The following KIAA1217 variants were observed in gnomAD, a reference collection of about 807,000 sequenced individuals.
KIAA1217 encodes the protein KIAA1217, also known as sickle tail protein homolog.
In KIAA1217, 88 loss-of-function variants were observed where a neutral mutation model predicts 163.9. That is an observed-to-expected ratio of 0.54 (90% CI 0.45 to 0.64). KIAA1217 has a LOEUF of 0.64. Ranked by LOEUF, KIAA1217 falls within the 30% of genes least tolerant of loss-of-function variation. The pLI, the probability that KIAA1217 is intolerant of heterozygous loss-of-function variation, is 0.00. For synonymous variants in KIAA1217, 903 were observed against 923.1 expected (o/e 0.98, Z 0.39); for missense variants, 2,372 against 2,475.0 (o/e 0.96, Z 0.88).
At chr10:23,754,952 A>T (rs984741975) in intron 1 of KIAA1217, among the ~76,000 whole-genome samples, 10 of 117,874 alleles carry the variant, frequency 8.5e-5, no homozygotes, top group East Asian at 4.2e-4. Flanking sequence ...AAAAGGAATT[A>T]AAAAAAAAAC....
At chr10:23,777,928 C>T (rs976567933) in intron 1 of KIAA1217, among the ~76,000 whole-genome samples, 4 of 151,760 alleles carry the variant, frequency 2.6e-5, no homozygotes, top group Non-Finnish European at 4.4e-5. Context: ...GTCTTAACTA[C>T]GGAAATTTTT....
At chr10:24,022,918 C>T (rs1455944952) in intron 2 of KIAA1217, among the ~76,000 whole-genome samples, 1 of 138,844 alleles carries the variant, frequency 7.2e-6, no homozygotes, top group Non-Finnish European at 1.6e-5. Context: ...AGGATATATA[C>T]TTGATCTGAA....
intron 5 of KIAA1217, among the ~76,000 whole-genome samples, chr10:24,464,036 G>A (rs1338235904): frequency 1.3e-5 from 2 of 152,184 alleles, no homozygotes; most frequent in African/African-American, 4.8e-5. Context: ...GCCTGAAAGA[G>A]CCCTTCTCTG....
At chr10:23,760,525 G>T (rs149946308) in intron 1 of KIAA1217, among the ~76,000 whole-genome samples, 2 of 152,316 alleles carry the variant, frequency 1.3e-5, no homozygotes, top group African/African-American at 2.4e-5. Flanking sequence ...TCTAGCAGTC[G>T]CAGTAGCACA....
intron 10 of KIAA1217, among the ~76,000 whole-genome samples, chr10:24,516,786 A>G (rs2070247870): frequency 6.6e-6 from 1 of 152,210 alleles, no homozygotes; most frequent in Admixed American, 6.5e-5. Context: ...AGTAAGAAAG[A>G]AGTCAAATGC....
Position 23,959,276 on chromosome 10 carries a change from T to G in KIAA1217, c.-320-47949T>G, listed in dbSNP as rs139413963. ...TGGGCACAGTGGCTCATGCCTGTAA[T>G]TCCAGCACTTTAGGAGACTGAGGCA... is the stretch of plus-strand genomic sequence containing the variant. On this transcript the variant is annotated intron_variant, in intron 1 of 18. Transcript: ENST00000376462. Among the ~76,000 whole-genome samples, 429 of 152,238 alleles carry G rather than the reference T, an allele frequency of 2.8e-3. 3 individuals carry two copies. The highest frequency in any genetic ancestry group is 4.1e-3 in the Non-Finnish European group (282 of 68,028).
intron 2 of KIAA1217, among the ~76,000 whole-genome samples, chr10:24,339,796 C>G (rs138812782): frequency 6.6e-6 from 1 of 152,294 alleles, no homozygotes. Flanking sequence ...CATTTAGGGA[C>G]CATGATTATG....
intron 2 of KIAA1217, among the ~76,000 whole-genome samples, chr10:24,348,253 G>A (rs1359414685): frequency 2.0e-5 from 3 of 152,036 alleles, no homozygotes; most frequent in Admixed American, 1.3e-4. Context: ...AGGCAGAATC[G>A]CTTGAACCTG....
intron 2 of KIAA1217, among the ~76,000 whole-genome samples, chr10:24,296,835 A>G (rs1350237973): frequency 6.6e-6 from 1 of 152,194 alleles, no homozygotes; most frequent in African/African-American, 2.4e-5. Flanking sequence ...TATGTGCAAA[A>G]AAAGAAATTG....
intron 2 of KIAA1217, chr10:24,368,772 C>T (rs1052224284): frequency 4.4e-5 from 37 of 838,996 alleles, no homozygotes; most frequent in Non-Finnish European, 4.9e-5. Context: ...CCAGAAGCTA[C>T]GGGACTTCCC....
intron 3 of KIAA1217, among the ~76,000 whole-genome samples, chr10:24,391,333 C>CTTTTTTTTTT (rs768727392): frequency 1.1e-3 from 34 of 29,878 alleles, no homozygotes; most frequent in African/African-American, 5.1e-3. Flanking sequence ...TTCTTTCTTT[C>CTTTTTTTTTT]TTTTTTTTTT....
chr10:24,462,894 G>T (rs1262928719), intron 5 of KIAA1217, among the ~76,000 whole-genome samples: 1 of 152,188 alleles, frequency 6.6e-6, no homozygotes, highest in Non-Finnish European at 1.5e-5. Flanking sequence ...AAAAGTTGTA[G>T]TTGGGTGCCG....
chr10:23,793,684 G>C (rs1836066336), intron 1 of KIAA1217, among the ~76,000 whole-genome samples: 1 of 152,294 alleles, frequency 6.6e-6, no homozygotes, highest in Admixed American at 6.5e-5. Context: ...TGTCCACACA[G>C]AAGTTCGCCT....
At chr10:24,079,910 T>A (rs2131650710) in intron 2 of KIAA1217, among the ~76,000 whole-genome samples, 1 of 152,312 alleles carries the variant, frequency 6.6e-6, no homozygotes, top group South Asian at 2.1e-4. Context: ...AACCACAACA[T>A]CCTGGCACAT....
At chr10:24,243,500 A>G (rs899093540) in intron 2 of KIAA1217, among the ~76,000 whole-genome samples, 1 of 152,040 alleles carries the variant, frequency 6.6e-6, no homozygotes, top group African/African-American at 2.4e-5. Flanking sequence ...CTCCCGCTTA[A>G]TAAGTGAGAA....
chr10:24,118,063 G>A (rs1266126884), intron 2 of KIAA1217, among the ~76,000 whole-genome samples: 3 of 151,570 alleles, frequency 2.0e-5, no homozygotes, highest in Admixed American at 6.6e-5. Flanking sequence ...AGTACCCGGG[G>A]TGACCAAATC....
chr10:24,264,836 CCTTTCTCTCTTTCTCTGTCTCT>C (rs2076083700), intron 2 of KIAA1217, among the ~76,000 whole-genome samples: 1 of 130,316 alleles, frequency 7.7e-6, no homozygotes, highest in Non-Finnish European at 1.6e-5. Context: ...TCCCTTTCTC[CCTTTCTCTCTTTCTCTGTCTCT>C]CTTTCTCTCT....
intron 1 of KIAA1217, among the ~76,000 whole-genome samples, chr10:23,818,519 G>T (rs893878450): frequency 6.6e-6 from 1 of 151,824 alleles, no homozygotes; most frequent in Non-Finnish European, 1.5e-5. Context: ...GCCCCAGCAA[G>T]AGGAAGGAAT....
intron 1 of KIAA1217, among the ~76,000 whole-genome samples, chr10:23,763,719 A>G (rs1287210897): frequency 6.6e-6 from 1 of 152,178 alleles, no homozygotes; most frequent in Non-Finnish European, 1.5e-5. Context: ...CAAAAGGTTC[A>G]TAACAAACCT....
Sources: gnomAD v4.1 joint callset for allele counts (sites outside exome capture counted in the v4.1 genomes callset) on GRCh38, gnomAD v4.1.1 for gene constraint, MANE v1.5 for transcripts, NCBI Gene and HGNC (gene_info 2026-07-23, HGNC 2026-07-21) for gene names.